Variants in PHACTR1 observed in about 807,000 individuals in gnomAD.
The protein encoded by PHACTR1 is RPEL repeat containing 1.
PHACTR1 carries 16 observed loss-of-function variants against 69.2 expected under a neutral mutation model. The observed-to-expected ratio is 0.23, with a 90% CI of 0.16 to 0.35. PHACTR1 has a LOEUF of 0.35. Ranked by LOEUF, PHACTR1 falls within the 10% of genes least tolerant of loss-of-function variation. PHACTR1 has a pLI of 1.00. For synonymous variants in PHACTR1, 312 were observed against 284.5 expected, an observed-to-expected ratio of 1.10 and a Z score of -0.97; for missense variants, 510 against 734.7, an observed-to-expected ratio of 0.69 and a Z score of 3.54.
At chr6:13,260,171 T>C (rs1775715303) in intron 10 of PHACTR1, among the ~76,000 whole-genome samples, 1 of 152,186 alleles carries the variant, frequency 6.6e-6, no homozygotes, top group Non-Finnish European at 1.5e-5. Context: ...ATTGGTGGTT[T>C]TGGAGCATTC....
At chr6:13,240,545 C>A (rs1284648654) in intron 10 of PHACTR1, among the ~76,000 whole-genome samples, 1 of 152,070 alleles carries the variant, frequency 6.6e-6, no homozygotes, top group Non-Finnish European at 1.5e-5. Flanking sequence ...GCCCCAGGTT[C>A]AAGTGATTGT....
Position 13,278,316 on chromosome 6 carries a change from G to A in PHACTR1, c.1496G>A (p.Arg499Lys), listed in dbSNP as rs1359760599. Residue 499 changes from arginine to lysine, a missense_variant, in exon 12 of 15, where the codon AGG (arginine) becomes AAG (lysine). Transcript: ENST00000332995. ...GAGGAGAAGAGAGAGATCAAGAGGA[G>A]GCTAACCCGAAAGGTAGGTGGTTCT... Reference protein sequence around the residue: ...EQEEKREIKRRLTRKLSQRPT... With the variant: ...EQEEKREIKRKLTRKLSQRPT... 2 of 1,599,778 alleles carry A rather than the reference G, an allele frequency of 1.3e-6. No homozygotes were observed. Among genetic ancestry groups the A allele is most frequent in the East Asian group, 2.3e-5 (1 of 44,410 alleles).
chr6:12,897,687 CT>C (rs1784797180), intron 4 of PHACTR1, among the ~76,000 whole-genome samples: 1 of 125,046 alleles, frequency 8.0e-6, no homozygotes, highest in African/African-American at 3.0e-5. Flanking sequence ...GCAACAAGCA[CT>C]TTGTAATCTT....
intron 4 of PHACTR1, among the ~76,000 whole-genome samples, chr6:12,766,656 A>G (rs1334925696): frequency 6.6e-6 from 1 of 152,240 alleles, no homozygotes. Flanking sequence ...AACATTTACC[A>G]GCACACCAGT....
At chr6:12,872,114 A>G (rs567736984) in intron 4 of PHACTR1, among the ~76,000 whole-genome samples, 5 of 152,270 alleles carry the variant, frequency 3.3e-5, no homozygotes, top group African/African-American at 1.2e-4. Context: ...TCTGATTGCT[A>G]CTGGATTTCC....
At chr6:12,995,945 CAT>C (rs1161911084) in intron 4 of PHACTR1, among the ~76,000 whole-genome samples, 2 of 151,964 alleles carry the variant, frequency 1.3e-5, no homozygotes, top group Non-Finnish European at 2.9e-5. Flanking sequence ...TTGCTTAAAA[CAT>C]ATGTTTGGAA....
intron 4 of PHACTR1, among the ~76,000 whole-genome samples, chr6:12,855,784 C>T (rs1362240544): frequency 2.0e-5 from 3 of 151,574 alleles, no homozygotes; most frequent in East Asian, 3.9e-4. Context: ...CATGTACCCC[C>T]GAATCTAAAA....
chr6:13,168,495 C>A (rs1263315783), intron 6 of PHACTR1, among the ~76,000 whole-genome samples: 1 of 152,168 alleles, frequency 6.6e-6, no homozygotes, highest in Admixed American at 6.5e-5. Flanking sequence ...GTTTCAGGCA[C>A]CATCCTGGGC....
chr6:12,822,257 A>G (rs546663213), intron 4 of PHACTR1, among the ~76,000 whole-genome samples: 1 of 152,302 alleles, frequency 6.6e-6, no homozygotes, highest in East Asian at 1.9e-4. Context: ...ACTGGCCTGG[A>G]GCTGTTCTAC....
chr6:12,855,817 T>A (rs1323604187), intron 4 of PHACTR1, among the ~76,000 whole-genome samples: 1 of 152,130 alleles, frequency 6.6e-6, no homozygotes. Context: ...TTTAAAAAAA[T>A]TAAAATAAAA....
chr6:12,745,263 C>T (rs920257645), intron 3 of PHACTR1, among the ~76,000 whole-genome samples: 1 of 152,164 alleles, frequency 6.6e-6, no homozygotes, highest in African/African-American at 2.4e-5. Context: ...CTCTGTTGGG[C>T]TGCTTCTTTT....
intron 7 of PHACTR1, among the ~76,000 whole-genome samples, chr6:13,183,500 G>A (rs1372532975): frequency 4.6e-5 from 7 of 152,146 alleles, no homozygotes; most frequent in South Asian, 4.1e-4. Context: ...TATGGGACCC[G>A]GTGAGTCATT....
At chr6:13,264,370 C>G (rs1776317948) in intron 10 of PHACTR1, among the ~76,000 whole-genome samples, 3 of 152,154 alleles carry the variant, frequency 2.0e-5, no homozygotes, top group African/African-American at 7.2e-5. Context: ...CTCCACCCCC[C>G]ACCATCTAAT....
At chr6:12,750,718 G>C (rs915641758) in intron 4 of PHACTR1, among the ~76,000 whole-genome samples, 1 of 152,136 alleles carries the variant, frequency 6.6e-6, no homozygotes, top group Non-Finnish European at 1.5e-5. Context: ...ACTCTAGAGT[G>C]CCTTACTCGT....
intron 5 of PHACTR1, among the ~76,000 whole-genome samples, chr6:13,120,822 T>C (rs1026147028): frequency 6.6e-6 from 1 of 152,238 alleles, no homozygotes. Context: ...TTAAAGCACA[T>C]GTTTGCCTCT....
intron 4 of PHACTR1, among the ~76,000 whole-genome samples, chr6:12,759,768 A>T (rs923019625): frequency 1.3e-5 from 2 of 152,222 alleles, no homozygotes; most frequent in African/African-American, 4.8e-5. Flanking sequence ...AGGACCTAGG[A>T]CCATGGAAGT....
rs1443714217 is a variant in PHACTR1 at position 12,933,858 on chromosome 6, T to G, written c.251-119507T>G. On this transcript the variant is annotated intron_variant, in intron 4 of 14. Coordinates refer to ENST00000332995, the MANE Select transcript of PHACTR1 (RefSeq NM_030948.6). ...CAAGGAGCTAAGAGAAGGAGGGTGG[T>G]TTGGCTGCCTTTAGAGGGGGAAGAG... The G allele has an allele frequency of 5.6e-6, 9 of 1,612,514 alleles. No homozygotes were observed. The Admixed American group carries it at 6.7e-5, about 12-fold the overall frequency.
chr6:12,761,885 C>A (rs1386994916), intron 4 of PHACTR1, among the ~76,000 whole-genome samples: 1 of 152,210 alleles, frequency 6.6e-6, no homozygotes, highest in Non-Finnish European at 1.5e-5. Context: ...GCTGTTCACT[C>A]CCTCCCACTC....
At position 13,011,368 on chromosome 6, in the gene PHACTR1, G is replaced by C. The variant is rs114410668; in HGVS notation, c.251-41997G>C. ...ACTATATTGCATAGCACCATTAGAG[G>C]CTGCAAACTCAGGGAGGACAGTTCA... On this transcript the variant is annotated intron_variant, in intron 4 of 14. Transcript: ENST00000332995. Among the ~76,000 whole-genome samples the C allele has an allele frequency of 7.0e-3, 1,061 of 152,288 alleles. 11 individuals carry two copies. Among genetic ancestry groups the C allele is most frequent in the African/African-American group, 0.024 (997 of 41,550 alleles).
Sources: allele counts gnomAD v4.1 joint callset (sites outside exome capture counted in the v4.1 genomes callset), GRCh38; gene constraint gnomAD v4.1.1; transcripts MANE v1.5; gene names NCBI Gene and HGNC (gene_info 2026-07-23, HGNC 2026-07-21).